Variants in SORCS1 observed in about 807,000 individuals in gnomAD.
The protein encoded by SORCS1 is sortilin related VPS10 domain containing receptor 1, also known as VPS10 domain-containing receptor SorCS1.
SORCS1 carries 60 observed loss-of-function variants against 146.1 expected under a neutral mutation model. The observed-to-expected ratio is 0.41, with a 90% CI of 0.33 to 0.51. SORCS1 has a LOEUF of 0.51. Ranked by LOEUF, SORCS1 falls within the 20% of genes least tolerant of loss-of-function variation. SORCS1 has a pLI of 0.21. For synonymous variants in SORCS1, 637 were observed against 584.0 expected (o/e 1.09, Z -1.31); for missense variants, 1,352 against 1,487.6 (o/e 0.91, Z 1.50).
At chr10:106,666,968 C>T (rs745643281) in intron 17 of SORCS1, 1 of 152,132 alleles carries the variant, frequency 6.6e-6, no homozygotes, top group African/African-American at 2.4e-5. Context: ...GTTCAATTTT[C>T]CTCAATGGCT....
rs781092312 is a variant in SORCS1, at chr10:106,577,422, A to G, written c.3505T>C (p.Ter1169GlnextTer26). ...CCTGTAGCCTTTGGGGGTTTTCCTT[A>G]AATTGCATACTGTGCCCCAGCAGAT... ...RGSAGAQYAI[*>Q] Residue 1169 changes from the stop codon to glutamine, a stop_lost, in exon 26 of 26, where the codon TAA becomes CAA. Coordinates refer to ENST00000263054, the MANE Select transcript of SORCS1 (RefSeq NM_052918.5). The G allele has an allele frequency of 6.2e-7, 1 of 1,613,878 alleles. No homozygotes were observed. Among genetic ancestry groups the G allele is most frequent in the Non-Finnish European group, 8.5e-7 (1 of 1,179,894 alleles).
At chr10:106,583,047 C>T (rs1482841245) in intron 24 of SORCS1, among the ~76,000 whole-genome samples, 1 of 152,130 alleles carries the variant, frequency 6.6e-6, no homozygotes, top group Non-Finnish European at 1.5e-5. Context: ...GACTAAGTGA[C>T]TTAAATTAAA....
chr10:106,647,258 T>A (rs1020161704), intron 18 of SORCS1, among the ~76,000 whole-genome samples: 1 of 151,904 alleles, frequency 6.6e-6, no homozygotes, highest in Non-Finnish European at 1.5e-5. Context: ...TCAGGATGCA[T>A]CCCTCCATTC....
chr10:106,688,784 G>C (rs879513565), intron 9 of SORCS1, among the ~76,000 whole-genome samples: 2 of 152,142 alleles, frequency 1.3e-5, no homozygotes, highest in Non-Finnish European at 2.9e-5. Flanking sequence ...AGAAAGCTCA[G>C]GCTCATCCAA....
intron 1 of SORCS1, among the ~76,000 whole-genome samples, chr10:107,135,751 T>C (rs1052790102): frequency 1.3e-5 from 2 of 152,220 alleles, no homozygotes; most frequent in Non-Finnish European, 2.9e-5. Flanking sequence ...ATATATTAAA[T>C]ACCCAGTAAA....
chr10:107,082,069 T>C (rs2134244507), intron 1 of SORCS1, among the ~76,000 whole-genome samples: 1 of 152,362 alleles, frequency 6.6e-6, no homozygotes, highest in African/African-American at 2.4e-5. Context: ...ATTTCTTAAT[T>C]GTCCAATTTG....
rs758303438 is a variant in SORCS1, at chr10:106,629,179, A to C, written c.2662+23T>G. On this transcript the variant is annotated intron_variant, in intron 19 of 25. Coordinates refer to ENST00000263054, the MANE Select transcript of SORCS1 (RefSeq NM_052918.5). ...GACACAATATTTAAGATAGGTCATA[A>C]ACCAACAACAGTAATAACATACAAG... 2.3e-4 allele frequency: 361 copies of C among 1,599,642 alleles called. 1 individual carries two copies. The highest frequency in any genetic ancestry group is 3.0e-4 in the Non-Finnish European group (346 of 1,169,138).
chr10:106,726,597 C>T (rs1045655908), intron 6 of SORCS1, among the ~76,000 whole-genome samples: 4 of 152,002 alleles, frequency 2.6e-5, no homozygotes, highest in South Asian at 2.1e-4. Flanking sequence ...CAGAAAACAG[C>T]AGCATATGCC....
chr10:106,668,240 T>C (rs376242715), intron 16 of SORCS1, among the ~76,000 whole-genome samples: 1 of 152,180 alleles, frequency 6.6e-6, no homozygotes, highest in East Asian at 1.9e-4. Flanking sequence ...GGGATGCTCT[T>C]CCAAGACATC....
intron 20 of SORCS1, among the ~76,000 whole-genome samples, chr10:106,619,255 G>T (rs937842497): frequency 6.6e-6 from 1 of 152,126 alleles, no homozygotes; most frequent in African/African-American, 2.4e-5. Context: ...ATGGATAGAG[G>T]GCCCACTATG....
chr10:106,936,126 A>C (rs1953701008), intron 2 of SORCS1, among the ~76,000 whole-genome samples: 1 of 152,118 alleles, frequency 6.6e-6, no homozygotes. Flanking sequence ...AATTGCTGAA[A>C]ATCTCACTTC....
At chr10:107,010,967 C>A (rs1287457668) in intron 1 of SORCS1, among the ~76,000 whole-genome samples, 1 of 152,114 alleles carries the variant, frequency 6.6e-6, no homozygotes, top group Non-Finnish European at 1.5e-5. Flanking sequence ...GTCAACTGAA[C>A]CACATGGAGC....
intron 23 of SORCS1, among the ~76,000 whole-genome samples, chr10:106,603,455 T>C (rs1316561898): frequency 6.6e-6 from 1 of 152,188 alleles, no homozygotes; most frequent in African/African-American, 2.4e-5. Context: ...TTTCAATTTA[T>C]TTCACAGACA....
intron 8 of SORCS1, among the ~76,000 whole-genome samples, 197 bp downstream of exon 8, chr10:106,706,348 A>AG (rs1428437397): frequency 6.6e-6 from 1 of 151,540 alleles, no homozygotes; most frequent in East Asian, 1.9e-4. Context: ...AAAGGAAGGG[A>AG]GGGAGGGAGG....
At chr10:107,133,157 A>C (rs2134649194) in intron 1 of SORCS1, among the ~76,000 whole-genome samples, 1 of 152,348 alleles carries the variant, frequency 6.6e-6, no homozygotes, top group East Asian at 1.9e-4. Context: ...TTTGAACTAC[A>C]GGAATAAATA....
At chr10:107,089,154 T>C (rs911942839) in intron 1 of SORCS1, among the ~76,000 whole-genome samples, 5 of 152,206 alleles carry the variant, frequency 3.3e-5, no homozygotes, top group African/African-American at 9.6e-5. Context: ...TTTAAGTATA[T>C]GACAAACCTT....
At chr10:106,787,147 C>A (rs1201018686) in intron 3 of SORCS1, among the ~76,000 whole-genome samples, 1 of 152,158 alleles carries the variant, frequency 6.6e-6, no homozygotes, top group African/African-American at 2.4e-5. Flanking sequence ...ATAATCCCCT[C>A]ATTTAATTAA....
Position 106,769,440 on chromosome 10 carries a change from G to A in SORCS1, c.885+7094C>T, listed in dbSNP as rs1483794643. Among the ~76,000 whole-genome samples the A allele has an allele frequency of 1.6e-4, 24 of 147,502 alleles. 1 individual carries two copies. The highest frequency in any genetic ancestry group is 7.5e-4 in the Admixed American group (11 of 14,696). On this transcript the variant is annotated intron_variant, in intron 4 of 25. Transcript: ENST00000263054. ...GCGGAGGTTACAGTGAGCTGAGATCGCGCCATTGCACTCCAGCCTGGGTGA... is the reference window on the plus strand; with the variant it reads ...GCGGAGGTTACAGTGAGCTGAGATCACGCCATTGCACTCCAGCCTGGGTGA...
rs1308430833 is a variant in SORCS1, at chr10:106,675,144, A to G, written c.1845T>C (p.Asp615=). The change falls in exon 14 of 26, where the codon GAT becomes GAC. Residue 615 remains aspartate (D), a synonymous_variant. Transcript: ENST00000263054. ...TGTATTTGCTCCAAGATCTCCCTTC[A>G]TCAAAACTCAACCTAATGATATAAA... ...LPIRHLWLSF[D]EGRSWSKYSF... The G allele has an allele frequency of 2.5e-6, 4 of 1,612,974 alleles. No homozygotes were observed. Among genetic ancestry groups the G allele is most frequent in the Non-Finnish European group, 3.4e-6 (4 of 1,179,184 alleles).
Sources: allele counts gnomAD v4.1 joint callset (sites outside exome capture counted in the v4.1 genomes callset), GRCh38; gene constraint gnomAD v4.1.1; transcripts MANE v1.5; gene names NCBI Gene and HGNC (gene_info 2026-07-23, HGNC 2026-07-21).